The following CUX1 variants were observed in gnomAD, a reference collection of about 807,000 sequenced individuals.
CUX1 encodes the protein protein CASP.
In CUX1, 31 loss-of-function variants were observed where a neutral mutation model predicts 158.8. The ratio of observed to expected loss-of-function variants is 0.20; its 90% CI spans 0.15 to 0.26. The LOEUF is 0.26. CUX1 is among the 10% of genes least tolerant of loss of function. The pLI is 1.00. For missense variants in CUX1, 1,589 were observed against 2,014.6 expected (o/e 0.79, Z 4.04); for synonymous variants, 879 against 862.1 (o/e 1.02, Z -0.34).
At chr7:101,943,871 A>G (rs1273945462) in intron 2 of CUX1, among the ~76,000 whole-genome samples, 2 of 151,408 alleles carry the variant, frequency 1.3e-5, no homozygotes, top group African/African-American at 2.4e-5. Context: ...TAATCCCAGC[A>G]CTTACAGAGG....
chr7:102,172,377 A>G (rs1554510663), intron 10 of CUX1, among the ~76,000 whole-genome samples: 1 of 150,350 alleles, frequency 6.7e-6, no homozygotes, highest in Non-Finnish European at 1.5e-5. Flanking sequence ...CCACTGCGGG[A>G]TCTCACTCGG....
rs937970418 is a variant in CUX1, at chr7:102,247,521, G to A, written c.3888-891G>A. 2.0e-5 allele frequency among the ~76,000 whole-genome samples: 3 copies of A among 152,192 alleles called. 1 individual carries two copies. Among genetic ancestry groups the A allele is most frequent in the Admixed American group, 2.0e-4 (3 of 15,276 alleles). Reference sequence around the variant, plus strand: ...CGGGATGGGATGGGATGGAGGAAACGTGTCACTCGATAAGAACCCTGGCCA... The same window carrying A: ...CGGGATGGGATGGGATGGAGGAAACATGTCACTCGATAAGAACCCTGGCCA... On this transcript the variant is annotated intron_variant, in intron 23 of 23. Transcript: ENST00000292535.
intron 2 of CUX1, among the ~76,000 whole-genome samples, chr7:102,017,733 G>C (rs1036608064): frequency 1.3e-5 from 2 of 151,966 alleles, no homozygotes; most frequent in African/African-American, 4.8e-5. Flanking sequence ...TGTAATCCCA[G>C]CTACTCAGGT....
At chr7:101,905,802 T>C (rs1383464500) in intron 1 of CUX1, among the ~76,000 whole-genome samples, 1 of 151,962 alleles carries the variant, frequency 6.6e-6, no homozygotes, top group Non-Finnish European at 1.5e-5. Flanking sequence ...AACCAGAAAA[T>C]CAGTCTTTGG....
intron 1 of CUX1, among the ~76,000 whole-genome samples, chr7:101,895,433 G>A (rs1801363996): frequency 6.6e-6 from 1 of 152,174 alleles, no homozygotes; most frequent in Non-Finnish European, 1.5e-5. Flanking sequence ...CTGGCATGGG[G>A]AAGAGACTGG....
intron 2 of CUX1, among the ~76,000 whole-genome samples, chr7:101,934,184 G>A (rs1250518514): frequency 2.0e-5 from 3 of 152,128 alleles, no homozygotes; most frequent in East Asian, 1.9e-4. Context: ...ACACTGTAAC[G>A]ATGATCTAAA....
chr7:102,178,002 C>G (rs1325641840), intron 10 of CUX1, among the ~76,000 whole-genome samples: 11 of 152,128 alleles, frequency 7.2e-5, no homozygotes, highest in African/African-American at 2.7e-4. Flanking sequence ...AAGTGATTCT[C>G]CTCCTCAGCC....
intron 2 of CUX1, among the ~76,000 whole-genome samples, chr7:101,920,005 A>G (rs963545265): frequency 7.2e-5 from 11 of 152,140 alleles, no homozygotes; most frequent in African/African-American, 2.7e-4. Context: ...ACAGCTCACT[A>G]CAGCCTCCAA....
intron 1 of CUX1, among the ~76,000 whole-genome samples, chr7:101,843,155 C>T (rs923701768): frequency 6.6e-6 from 1 of 152,082 alleles, no homozygotes; most frequent in Admixed American, 6.6e-5. Flanking sequence ...CGTGAGCCAC[C>T]GTGCCTGGCC....
chr7:102,241,726 C>T (rs1396039376), intron 23 of CUX1, among the ~76,000 whole-genome samples: 1 of 152,250 alleles, frequency 6.6e-6, no homozygotes, highest in Admixed American at 6.5e-5. Context: ...GCTACGTGGA[C>T]CCTAGACTCA....
chr7:101,900,966 C>CT (rs1268993277), intron 1 of CUX1, among the ~76,000 whole-genome samples: 1 of 152,034 alleles, frequency 6.6e-6, no homozygotes. Flanking sequence ...CTCTCTGGAA[C>CT]TTTTTTTTAA....
rs112222435 is a variant in CUX1 at position 102,167,613 on chromosome 7, C to T, written c.724-2833C>T. ...CCAGGAGAAATATCTCCAAATACATCTTATTCCAGGCAGAGTCTTAGATAT... is the reference window on the plus strand; with the variant it reads ...CCAGGAGAAATATCTCCAAATACATTTTATTCCAGGCAGAGTCTTAGATAT... On this transcript the variant is annotated intron_variant, in intron 9 of 23. Coordinates refer to ENST00000292535, the MANE Select transcript of CUX1 (RefSeq NM_181552.4). Among the ~76,000 whole-genome samples the T allele has an allele frequency of 3.7e-3, 557 of 152,330 alleles. 2 individuals carry two copies. Among genetic ancestry groups the T allele is most frequent in the African/African-American group, 0.012 (481 of 41,564 alleles).
At chr7:102,169,813 G>A (rs1791513168) in intron 9 of CUX1, among the ~76,000 whole-genome samples, 1 of 152,224 alleles carries the variant, frequency 6.6e-6, no homozygotes, top group Non-Finnish European at 1.5e-5. Context: ...GCAGCCCCCA[G>A]CACTGGTCTA....
intron 13 of CUX1, 67 bp downstream of exon 13, chr7:102,193,957 G>A (rs889293263): frequency 3.5e-5 from 51 of 1,469,704 alleles, no homozygotes; most frequent in South Asian, 1.6e-4. Flanking sequence ...TGGTCCCTCC[G>A]GCATATCCCA....
At chr7:101,995,321 C>T (rs2129256027) in intron 2 of CUX1, among the ~76,000 whole-genome samples, 1 of 152,332 alleles carries the variant, frequency 6.6e-6, no homozygotes, top group East Asian at 1.9e-4. Flanking sequence ...TAGAAACCCA[C>T]AGAAACTGTT....
chr7:102,252,977 A>G lies in CUX1; in HGVS notation c.*3935A>G. 1 of 985,474 alleles carries G rather than the reference A, an allele frequency of 1.0e-6. No homozygotes were observed. The allele number at this position is 985,474 out of a possible 1,614,324, so 61.0% of individuals were successfully genotyped here. A position where few individuals can be genotyped will look rare whatever the true frequency, so the allele number is the denominator to read the frequency against. ...ATGGGAGAACTCTCTGAGAAATGCC[A>G]GGATCGTGGCTCACAGGGACCCACC... On this transcript the variant is annotated 3_prime_UTR_variant, in exon 24 of 24. Transcript: ENST00000292535.
Position 102,132,676 on chromosome 7 carries a change from T to TTTGC in CUX1, c.674+17405_674+17406insGCTT, listed in dbSNP as rs1554497670. The stretch of plus-strand genomic sequence containing the variant: ...GTCATTTTAATTTGTTTTTCTTTGC[T>TTTGC]TTTCTTTTTTTTTTTTTTTTTTTGA... On this transcript the variant is annotated intron_variant, in intron 8 of 23. Transcript: ENST00000292535. Among the ~76,000 whole-genome samples the TTTGC allele has an allele frequency of 2.5e-4, 27 of 106,940 alleles. 2 individuals are homozygous for TTTGC. Among genetic ancestry groups the TTTGC allele is most frequent in the Non-Finnish European group, 3.8e-4 (20 of 51,956 alleles). The allele number at this position is 106,940 out of a possible 152,430, so 70.2% of individuals were successfully genotyped here.
intron 3 of CUX1, among the ~76,000 whole-genome samples, chr7:102,046,102 C>T (rs1822755261): frequency 6.6e-6 from 1 of 152,228 alleles, no homozygotes; most frequent in South Asian, 2.1e-4. Context: ...GCAAAGTTGA[C>T]TCAAAACCTG....
intron 4 of CUX1, among the ~76,000 whole-genome samples, chr7:102,085,692 C>A (rs144827350): frequency 6.6e-6 from 1 of 152,146 alleles, no homozygotes; most frequent in African/African-American, 2.4e-5. Context: ...AGTATGAGAG[C>A]AGACTAATAC....
Sources: gnomAD v4.1 joint callset for allele counts (sites outside exome capture counted in the v4.1 genomes callset) on GRCh38, gnomAD v4.1.1 for gene constraint, MANE v1.5 for transcripts, NCBI Gene and HGNC (gene_info 2026-07-23, HGNC 2026-07-21) for gene names.